RIIAD1: variants seen among roughly 807,000 people sequenced by gnomAD.
RIIAD1 encodes RIIa domain-containing protein 1.
A neutral mutation model predicts 13.3 loss-of-function variants in RIIAD1; 15 were observed. The observed-to-expected ratio is 1.13, with a 90% CI of 0.76 to 1.74. The LOEUF (loss-of-function observed/expected upper bound fraction) is 1.74, where lower values mean the gene tolerates loss of function less well. Among genes scored for constraint, RIIAD1 ranks in the 40% most tolerant of loss-of-function variants. The pLI is 0.00. For synonymous variants in RIIAD1, 50 were observed against 43.3 expected, an observed-to-expected ratio of 1.16 and a Z score of -0.61; for missense variants, 121 against 112.2, an observed-to-expected ratio of 1.08 and a Z score of -0.35.
rs1166376221 is a variant in RIIAD1 at position 151,713,174 on chromosome 1, C to T, written c.-185-295C>T. Among the ~76,000 whole-genome samples the T allele has an allele frequency of 3.3e-5, 5 of 152,180 alleles. No homozygotes were observed. In the South Asian group the frequency reaches 8.3e-4, roughly 25 times the overall value. On this transcript the variant is annotated intron_variant, in intron 2 of 8. Transcript: ENST00000326413. Reference sequence around the variant, plus strand: ...ACAAGGGCTAAAGTGGAGAATTCAGCGTCACCTAGAAGCTCTGGAGAAGGG... The same window carrying T: ...ACAAGGGCTAAAGTGGAGAATTCAGTGTCACCTAGAAGCTCTGGAGAAGGG...
At chr1:151,716,262 A>T in intron 4 of RIIAD1, 1 of 475,844 alleles carries the variant, frequency 2.1e-6, no homozygotes, top group Non-Finnish European at 3.7e-6. Context: ...GGCATCGCCT[A>T]AACAAACGAT....
At chr1:151,717,489 C>T (rs1272714224), upstream of RIIAD1, among the ~76,000 whole-genome samples, 2 of 152,254 alleles carry the variant, frequency 1.3e-5, no homozygotes, top group Non-Finnish European at 2.9e-5. Context: ...GCAGGGAGGC[C>T]GCGGAGGCGG....
chr1:151,722,314 A>G (rs1006111520), intron 2 of RIIAD1, among the ~76,000 whole-genome samples, 152 bp downstream of exon 2: 1 of 152,264 alleles, frequency 6.6e-6, no homozygotes, highest in African/African-American at 2.4e-5. Flanking sequence ...GACACTTGGA[A>G]GAGGGAATTT....
intron 3 of RIIAD1, 165 bp from the exon 4 acceptor site, chr1:151,728,600 GT>G: frequency 1.6e-6 from 1 of 607,256 alleles, no homozygotes; most frequent in Non-Finnish European, 3.0e-6. Context: ...GGTGGGGGCA[GT>G]GACCGTTCAT....
At chr1:151,713,100 A>T (rs1265307465) in intron 2 of RIIAD1, among the ~76,000 whole-genome samples, 1 of 152,212 alleles carries the variant, frequency 6.6e-6, no homozygotes, top group Admixed American at 6.5e-5. Flanking sequence ...TGGAACCCTC[A>T]TTTCCTACTG....
In RIIAD1 at chr1:151,714,408, C is replaced by T; in HGVS notation, c.-89-12C>T. 4.6e-6 allele frequency: 3 copies of T among 658,726 alleles called. No homozygotes were observed. In the Admixed American group the frequency reaches 7.1e-5, roughly 16 times the overall value. The allele number at this position is 658,726 out of a possible 1,614,324, so 40.8% of individuals were successfully genotyped here. A position where few individuals can be genotyped will look rare whatever the true frequency, so the allele number is the denominator to read the frequency against. On this transcript the variant is annotated splice_polypyrimidine_tract_variant and intron_variant, in intron 3 of 8. Coordinates refer to the RIIAD1 transcript ENST00000326413. ...TGTTTACGCCACTAATCGCTGCTTT[C>T]CTTCTCTCCAGGTAACAAGAAATGC...
Position 151,727,640 on chromosome 1 carries a change from G to A in RIIAD1, c.208+19G>A. The stretch of plus-strand genomic sequence containing the variant: ...GCTGCAGGTGAGTAAGGCAGCGTCG[G>A]TTTTGGGTATCTGACAAAGCCAGCG... On this transcript the variant is annotated intron_variant, in intron 3 of 4. Coordinates refer to ENST00000479191, the MANE Select transcript of RIIAD1 (RefSeq NM_001144956.3). The A allele has an allele frequency of 6.5e-7, 1 of 1,532,432 alleles. No homozygotes were observed. 94.9% of individuals were successfully genotyped at this position (1,532,432 alleles called of 1,614,324 possible). A position where few individuals can be genotyped will look rare whatever the true frequency, so the allele number is the denominator to read the frequency against.
At chr1:151,715,949 C>CTT in intron 4 of RIIAD1, 5 of 1,614,202 alleles carry the variant, frequency 3.1e-6, no homozygotes, top group Non-Finnish European at 4.2e-6. Flanking sequence ...CGAAGATGGG[C>CTT]TTCAGGTCCT....
At chr1:151,726,752 C>T (rs1334037463) in intron 2 of RIIAD1, among the ~76,000 whole-genome samples, 1 of 152,180 alleles carries the variant, frequency 6.6e-6, no homozygotes, top group Non-Finnish European at 1.5e-5. Flanking sequence ...AAGGCATTTT[C>T]AACTCTCTAG....
intron 1 of RIIAD1, 185 bp downstream of exon 1, chr1:151,721,805 C>T (rs1188200432): frequency 3.6e-6 from 2 of 562,196 alleles, no homozygotes; most frequent in Non-Finnish European, 6.3e-6. Context: ...CAGAGCGCGA[C>T]GGGCATCTGA....
chr1:151,716,635 T>C, upstream of RIIAD1: 4 of 375,826 alleles, frequency 1.1e-5, no homozygotes, highest in Non-Finnish European at 2.2e-5. Flanking sequence ...GGGGTCCCTT[T>C]TGCCCTGCCG....
At chr1:151,726,844 C>T (rs1319367814) in intron 2 of RIIAD1, among the ~76,000 whole-genome samples, 4 of 152,200 alleles carry the variant, frequency 2.6e-5, no homozygotes, top group Non-Finnish European at 4.4e-5. Flanking sequence ...CATCTTTTAG[C>T]TCTGTTTATT....
At chr1:151,716,890 T>C (rs1185158364), upstream of RIIAD1, 2 of 421,310 alleles carry the variant, frequency 4.7e-6, no homozygotes, top group Non-Finnish European at 5.0e-6. Context: ...ACAAATTCTC[T>C]ACCCTGGAGA....
chr1:151,716,412 G>T, intron 4 of RIIAD1: 1 of 267,710 alleles, frequency 3.7e-6, no homozygotes, highest in Non-Finnish European at 7.4e-6. Flanking sequence ...GGCGGGGAAA[G>T]GGCCTGAGGA....
upstream of RIIAD1, chr1:151,716,645 G>A: frequency 3.1e-6 from 1 of 320,666 alleles, no homozygotes; most frequent in Non-Finnish European, 6.5e-6. Context: ...TTGCCCTGCC[G>A]CCCCCCTTCA....
chr1:151,723,497 C>T lies in RIIAD1; in HGVS notation c.161+1335C>T, dbSNP rs943251508. Among the ~76,000 whole-genome samples, 11 of 151,592 alleles carry T rather than the reference C, an allele frequency of 7.3e-5. No individual in the cohort carries two copies. In the East Asian group the frequency reaches 1.6e-3, roughly 21 times the overall value. On this transcript the variant is annotated intron_variant, in intron 2 of 4. Coordinates refer to ENST00000479191, the MANE Select transcript of RIIAD1 (RefSeq NM_001144956.3). ...GGTGGATCACTTGAGGCCAGGAGTT[C>T]GAGACCTGCCTGGCCAACATGAGGA...
chr1:151,718,094 C>T (rs1351381431), upstream of RIIAD1, among the ~76,000 whole-genome samples: 1 of 152,122 alleles, frequency 6.6e-6, no homozygotes, highest in Non-Finnish European at 1.5e-5. Flanking sequence ...CAGAGGCACT[C>T]GTGTCTCTAA....
chr1:151,716,816 A>AC (rs768793366), upstream of RIIAD1: 60 of 321,614 alleles, frequency 1.9e-4, no homozygotes, highest in Admixed American at 1.5e-3. Flanking sequence ...CCCCCTCCAC[A>AC]CCCCCCTCCC....
At chr1:151,722,230 C>T (rs1673751455) in intron 2 of RIIAD1, 68 bp downstream of exon 2, 2 of 902,264 alleles carry the variant, frequency 2.2e-6, no homozygotes, top group South Asian at 1.4e-5. Context: ...TAGAGGTTTC[C>T]TTCAGTTATC....
Sources: allele counts gnomAD v4.1 joint callset (sites outside exome capture counted in the v4.1 genomes callset), GRCh38; gene constraint gnomAD v4.1.1; transcripts MANE v1.5; gene names NCBI Gene and HGNC (gene_info 2026-07-23, HGNC 2026-07-21).